Variants in TAFA1 observed in about 807,000 individuals in gnomAD.
The protein encoded by TAFA1 is chemokine-like protein TAFA-1.
In TAFA1, 4 loss-of-function variants were observed where a neutral mutation model predicts 18.5. That is an observed-to-expected ratio of 0.22 (90% CI 0.11 to 0.49). The LOEUF is 0.49. TAFA1 is among the 20% of genes least tolerant of loss of function. The pLI, the probability that TAFA1 is intolerant of heterozygous loss-of-function variation, is 0.98. For missense variants in TAFA1, 147 were observed against 169.0 expected (o/e 0.87, Z 0.72); for synonymous variants, 56 against 55.2 (o/e 1.01, Z -0.06).
upstream of TAFA1, among the ~76,000 whole-genome samples, chr3:68,000,268 C>T (rs1704270182): frequency 6.6e-6 from 1 of 152,190 alleles, no homozygotes; most frequent in Non-Finnish European, 1.5e-5. Flanking sequence ...TGCTTGTCCT[C>T]CTTGCCCTCA....
chr3:68,041,232 G>T (rs1036672833), intron 2 of TAFA1, among the ~76,000 whole-genome samples: 25 of 152,220 alleles, frequency 1.6e-4, no homozygotes, highest in Non-Finnish European at 2.5e-4. Context: ...AAGACTCTGT[G>T]TTGAGATTCT....
At chr3:68,419,766 G>A (rs577056355) in intron 3 of TAFA1, among the ~76,000 whole-genome samples, 3 of 152,250 alleles carry the variant, frequency 2.0e-5, no homozygotes, top group African/African-American at 4.8e-5. Flanking sequence ...GGGTCAGTAG[G>A]TGGTTAGAAA....
chr3:68,478,916 G>GTATATATATA (rs71112646), intron 3 of TAFA1, among the ~76,000 whole-genome samples: 5 of 146,678 alleles, frequency 3.4e-5, no homozygotes, highest in African/African-American at 2.5e-5. Context: ...GTATATGTGT[G>GTATATATATA]TATATATATA....
In TAFA1 at chr3:68,160,244, C is replaced by A. The variant is rs186210062; in HGVS notation, c.118+153500C>A. ...AAGTGTACATTTTTTATAAAGGGAC[C>A]AATAGTAAATATTTAAGGTTTTGTT... On this transcript the variant is annotated intron_variant, in intron 2 of 4. Transcript: ENST00000478136. Among the ~76,000 whole-genome samples the A allele has an allele frequency of 3.2e-4, 49 of 152,192 alleles. No homozygotes were observed. In the East Asian group the frequency reaches 8.7e-3, roughly 27 times the overall value.
intron 2 of TAFA1, among the ~76,000 whole-genome samples, chr3:68,348,344 T>C (rs958207152): frequency 6.6e-6 from 1 of 152,174 alleles, no homozygotes; most frequent in South Asian, 2.1e-4. Context: ...TTTATCACTA[T>C]ACTTATGGAC....
chr3:68,237,132 T>A (rs1477012587), intron 2 of TAFA1, among the ~76,000 whole-genome samples: 1 of 152,188 alleles, frequency 6.6e-6, no homozygotes, highest in East Asian at 1.9e-4. Flanking sequence ...AGAAATGTAT[T>A]TCTCAAGGTT....
intron 3 of TAFA1, among the ~76,000 whole-genome samples, chr3:68,461,851 G>A (rs987589907): frequency 5.9e-5 from 9 of 151,966 alleles, no homozygotes; most frequent in South Asian, 2.1e-4. Context: ...TAGCACTTTC[G>A]GCTGTTAATA....
chr3:68,184,890 G>A (rs919708608), intron 2 of TAFA1, among the ~76,000 whole-genome samples: 7 of 152,164 alleles, frequency 4.6e-5, no homozygotes, highest in South Asian at 2.1e-4. Context: ...ACATGGGAAA[G>A]TGTGTTCTGC....
chr3:68,517,722 T>C (rs1335561290), intron 3 of TAFA1, among the ~76,000 whole-genome samples: 3 of 152,188 alleles, frequency 2.0e-5, no homozygotes, highest in Non-Finnish European at 2.9e-5. Flanking sequence ...GACAGTCATC[T>C]GACAGAGAAA....
At chr3:68,284,680 C>A (rs1672501350) in intron 2 of TAFA1, among the ~76,000 whole-genome samples, 1 of 151,994 alleles carries the variant, frequency 6.6e-6, no homozygotes, top group African/African-American at 2.4e-5. Context: ...GTAAACTCAG[C>A]ATTTTGGGAA....
At chr3:68,301,945 C>T (rs192624468) in intron 2 of TAFA1, among the ~76,000 whole-genome samples, 23 of 152,188 alleles carry the variant, frequency 1.5e-4, no homozygotes, top group African/African-American at 2.4e-4. Flanking sequence ...TATTTGTATT[C>T]GTAGTTCATT....
intron 2 of TAFA1, among the ~76,000 whole-genome samples, chr3:68,169,107 A>G (rs1408151030): frequency 6.6e-6 from 1 of 151,994 alleles, no homozygotes; most frequent in East Asian, 1.9e-4. Context: ...ATGTCTCCAT[A>G]TATCTGTGCC....
chr3:68,241,165 A>G (rs569752428), intron 2 of TAFA1, among the ~76,000 whole-genome samples: 1 of 152,282 alleles, frequency 6.6e-6, no homozygotes, highest in African/African-American at 2.4e-5. Flanking sequence ...AGGGTTGCAA[A>G]ATAGTACTTA....
intron 2 of TAFA1, among the ~76,000 whole-genome samples, chr3:68,054,082 A>T (rs2064504192): frequency 6.6e-6 from 1 of 152,114 alleles, no homozygotes; most frequent in Admixed American, 6.6e-5. Flanking sequence ...CACAGATATG[A>T]AGTTTTAATT....
intron 2 of TAFA1, among the ~76,000 whole-genome samples, chr3:68,213,727 A>G (rs550744314): frequency 7.2e-5 from 11 of 152,252 alleles, no homozygotes; most frequent in South Asian, 2.1e-4. Flanking sequence ...ATCTTTCTGC[A>G]TAATGACCTC....
chr3:68,321,155 G>A (rs2068692723), intron 2 of TAFA1, among the ~76,000 whole-genome samples: 1 of 152,146 alleles, frequency 6.6e-6, no homozygotes, highest in African/African-American at 2.4e-5. Context: ...GATAAATATG[G>A]CCTGCTTCCT....
At chr3:68,004,957 A>T (rs1156906678) in intron 1 of TAFA1, among the ~76,000 whole-genome samples, 1 of 152,194 alleles carries the variant, frequency 6.6e-6, no homozygotes. Flanking sequence ...TTTGAGTGGT[A>T]GGATCTATAT....
At chr3:68,370,470 G>GTATATATATATATATGTATATA (rs2069675173) in intron 2 of TAFA1, among the ~76,000 whole-genome samples, 1 of 31,172 alleles carries the variant, frequency 3.2e-5, no homozygotes, top group Admixed American at 5.2e-4. Context: ...GTGTGTGTGT[G>GTATATATATATATATGTATATA]TGTATATATA....
chr3:68,207,271 C>G (rs2066539697), intron 2 of TAFA1, among the ~76,000 whole-genome samples: 1 of 151,794 alleles, frequency 6.6e-6, no homozygotes. Flanking sequence ...GAAGCAGAGC[C>G]TCAAGATCCT....
Sources: gnomAD v4.1 joint callset for allele counts (sites outside exome capture counted in the v4.1 genomes callset) on GRCh38, gnomAD v4.1.1 for gene constraint, MANE v1.5 for transcripts, NCBI Gene and HGNC (gene_info 2026-07-23, HGNC 2026-07-21) for gene names.